Variants in AHNAK2 observed in about 807,000 individuals in gnomAD.
AHNAK2 encodes the protein AHNAK nucleoprotein 2.
Under a neutral mutation model 30.7 loss-of-function variants are expected in AHNAK2, and 18 were observed. The ratio of observed to expected loss-of-function variants is 0.59; its 90% CI spans 0.41 to 0.87. AHNAK2 has a LOEUF of 0.87. AHNAK2 is among the 40% of genes least tolerant of loss of function. AHNAK2 has a pLI of 0.00. For synonymous variants in AHNAK2, 3,590 were observed against 3,073.8 expected, an observed-to-expected ratio of 1.17 and a Z score of -5.56; for missense variants, 8,604 against 7,373.0, an observed-to-expected ratio of 1.17 and a Z score of -6.11.
Position 104,945,398 on chromosome 14 carries a change from G to A in AHNAK2, c.10053C>T (p.Leu3351=), listed in dbSNP as rs765331396. 1.2e-6 allele frequency: 2 copies of A among 1,612,362 alleles called. No homozygotes were observed. The highest frequency in any genetic ancestry group is 1.1e-5 in the South Asian group (1 of 91,012). Residue 3351 remains leucine, a synonymous_variant, in exon 7 of 7, where the codon CTC becomes CTT. Transcript: ENST00000333244. ...GCTGAATGCTGAGGTCAGTGGTCTTGAGGTCCCCCTGCATGGAGGGGAGGC... is the reference window on the plus strand; with the variant it reads ...GCTGAATGCTGAGGTCAGTGGTCTTAAGGTCCCCCTGCATGGAGGGGAGGC... The part of the protein sequence containing the change: ...DVSLPSMQGD[L]KTTDLSIQLP...
At position 104,949,797 on chromosome 14, in the gene AHNAK2, C is replaced by T. The variant is rs1198367589; in HGVS notation, c.5654G>A (p.Gly1885Asp). The T allele has an allele frequency of 1.3e-6, 2 of 1,587,396 alleles. 1 individual carries two copies. Among genetic ancestry groups the T allele is most frequent in the South Asian group, 2.2e-5 (2 of 89,956 alleles). The change falls in exon 7 of 7, where the codon GGC (glycine) becomes GAC (aspartate). Residue 1885 changes from glycine to aspartate, a missense_variant. Gly to Asp is a moderately conservative substitution (Grantham distance 94). Coordinates refer to ENST00000333244, the MANE Select transcript of AHNAK2 (RefSeq NM_138420.4). ...CTCCGGGAGCTTCATGTCCACTTGG[C>T]CAGCCTGGACCACCAGGTCTGCAGA... ...LPSADLVVQA[G>D]QVDMKLPEGQ...
At position 104,948,829 on chromosome 14, in the gene AHNAK2, CG is replaced by C; in HGVS notation, c.6621del (p.Ala2208ProfsTer3). The stretch of plus-strand genomic sequence containing the variant: ...TGGCCAGCCTGGACCTTCACGTCGG[CG>C]GAAAGGGGCTGAATGCTGAGGTCAG... ...KTTDLSIQPL[S>X]ADVKVQAGQV... On this transcript the variant is annotated frameshift_variant, in exon 7 of 7. Transcript: ENST00000333244. LOFTEE classifies it low-confidence loss of function (END_TRUNC). 1 of 1,516,960 alleles carries C rather than the reference CG, an allele frequency of 6.6e-7. No homozygotes were observed. The highest frequency in any genetic ancestry group is 2.8e-5 in the East Asian group (1 of 35,460). 94.0% of individuals were successfully genotyped at this position (1,516,960 alleles called of 1,614,324 possible). A position where few individuals can be genotyped will look rare whatever the true frequency, so the allele number is the denominator to read the frequency against.
chr14:104,939,303 G>T lies in AHNAK2; in HGVS notation c.16148C>A (p.Thr5383Asn). ...TACCATTAATTTGGGGAATTTGACA[G>T]TTAGGACAGAATCTTCCCACAGTTG... is the stretch of plus-strand genomic sequence containing the variant. ...VDQLWEDSVL[T>N]VKFPKLMVPR... The change falls in exon 7 of 7, where the codon ACT becomes AAT. Residue 5383 changes from threonine to asparagine, a missense_variant. Transcript: ENST00000333244. The T allele has an allele frequency of 1.1e-5, 17 of 1,613,798 alleles. No homozygotes were observed. The highest frequency in any genetic ancestry group is 1.4e-5 in the Non-Finnish European group (17 of 1,179,840).
In AHNAK2 at chr14:104,945,304, C is replaced by T. The variant is rs374841889; in HGVS notation, c.10147G>A (p.Glu3383Lys). 2.2e-5 allele frequency: 36 copies of T among 1,612,982 alleles called. No homozygotes were observed. The highest frequency in any genetic ancestry group is 2.7e-5 in the Non-Finnish European group (32 of 1,179,626). The change falls in exon 7 of 7, where the codon GAG (glutamate) becomes AAG (lysine). Residue 3383 changes from glutamate (E) to lysine (K), a missense_variant. Glu to Lys is a moderately conservative substitution (Grantham distance 56, BLOSUM62 1). Transcript: ENST00000333244. ...DVKLPEGHVP[E>K]GAGLKGHLPK... Reference sequence around the variant, plus strand: ...AGGTGCCCTTTGAGGCCAGCTCCCTCGGGCACGTGGCCCTCCGGGAGCTTC... The same window carrying T: ...AGGTGCCCTTTGAGGCCAGCTCCCTTGGGCACGTGGCCCTCCGGGAGCTTC...
chr14:104,943,960 G>A lies in AHNAK2; in HGVS notation c.11491C>T (p.Pro3831Ser). Reference sequence around the variant, plus strand: ...AGACTCACATCGGCCTCCACCTTGGGTGCAGACACGTGCACCGAGGCCTCA... The same window carrying A: ...AGACTCACATCGGCCTCCACCTTGGATGCAGACACGTGCACCGAGGCCTCA... ...SIEASVHVSA[P>S]KVEADVSLPS... The change falls in exon 7 of 7, where the codon CCC (proline) becomes TCC (serine). Residue 3831 changes from proline to serine, a missense_variant. Physicochemically the swap from Pro to Ser is moderately conservative, Grantham distance 74 (BLOSUM62 -1). Transcript: ENST00000333244. The A allele has an allele frequency of 6.2e-7, 1 of 1,612,824 alleles. No individual in the cohort carries two copies. The highest frequency in any genetic ancestry group is 8.5e-7 in the Non-Finnish European group (1 of 1,179,454).
chr14:104,940,259 G>A lies in AHNAK2; in HGVS notation c.15192C>T (p.Ala5064=). 4 of 1,613,634 alleles carry A rather than the reference G, an allele frequency of 2.5e-6. No individual in the cohort carries two copies. The highest frequency in any genetic ancestry group is 3.4e-6 in the Non-Finnish European group (4 of 1,179,888). Residue 5064 remains alanine (A), a synonymous_variant, in exon 7 of 7, where the codon GCC becomes GCT. Coordinates refer to ENST00000333244, the MANE Select transcript of AHNAK2 (RefSeq NM_138420.4). The surrounding 1 kb of genome is among the most constrained non-coding windows in gnomAD (Gnocchi z 4.4). The stretch of plus-strand genomic sequence containing the variant: ...GTCCTCCCCTACCACCGTCACTGCT[G>A]GCCTTTTCTGTGTCTTGAAAGCTAC... ...AGGSFQDTEK[A]SSDGGRGGLG... is the part of the protein sequence containing the mutation.
Position 104,947,246 on chromosome 14 carries a change from C to A in AHNAK2, c.8205G>T (p.Gln2735His). 6.2e-7 allele frequency: 1 copy of A among 1,611,844 alleles called. No individual in the cohort carries two copies. The highest frequency in any genetic ancestry group is 1.3e-5 in the African/African-American group (1 of 74,076). Reference sequence around the variant, plus strand: ...CTTCAGGCATCTTGAAACTGGGCATCTGCAGCTTGGGCAGGTGCCCTTTGA... The same window carrying A: ...CTTCAGGCATCTTGAAACTGGGCATATGCAGCTTGGGCAGGTGCCCTTTGA... ...AGLKGHLPKL[Q>H]MPSFKMPEVD... The change falls in exon 7 of 7, where the codon CAG (glutamine) becomes CAT (histidine). Residue 2735 changes from glutamine to histidine, a missense_variant. Coordinates refer to ENST00000333244, the MANE Select transcript of AHNAK2 (RefSeq NM_138420.4).
rs542579317 is a variant in AHNAK2, at chr14:104,952,407, T to C, written c.3044A>G (p.Lys1015Arg). The part of the protein sequence containing the change: ...MPSFGVSAPG[K>R]SIKALVDVSA... Reference sequence around the variant, plus strand: ...CACATCCACCAAGGCCTTGATGGACTTCCCTGGGGCCGATACCCCGAACGA... The same window carrying C: ...CACATCCACCAAGGCCTTGATGGACCTCCCTGGGGCCGATACCCCGAACGA... Residue 1015 changes from lysine (K) to arginine (R), a missense_variant, in exon 7 of 7, where the codon AAG (lysine) becomes AGG (arginine). Physicochemically the swap from Lys to Arg is conservative, Grantham distance 26. Coordinates refer to ENST00000333244, the MANE Select transcript of AHNAK2 (RefSeq NM_138420.4). 233 of 1,612,576 alleles carry C rather than the reference T, an allele frequency of 1.4e-4. No individual in the cohort carries two copies. The East Asian group carries it at 4.4e-3, about 30-fold the overall frequency.
chr14:104,948,848 G>T lies in AHNAK2; in HGVS notation c.6603C>A (p.Leu2201=), dbSNP rs749009656. The part of the protein sequence containing the change: ...SMQGDLKTTD[L]SIQPLSADVK... ...CGTCGGCGGAAAGGGGCTGAATGCT[G>T]AGGTCAGTGGTCTTGAGGTCCCCCT... The change falls in exon 7 of 7, where the codon CTC becomes CTA. Residue 2201 remains leucine (L), a synonymous_variant. Transcript: ENST00000333244. The T allele has an allele frequency of 1.9e-6, 3 of 1,611,896 alleles. No individual in the cohort carries two copies. Among genetic ancestry groups the T allele is most frequent in the Non-Finnish European group, 2.5e-6 (3 of 1,179,280 alleles).
rs1468794876 is a variant in AHNAK2 at position 104,942,794 on chromosome 14, C to T, written c.12657G>A (p.Val4219=). 3 of 1,612,956 alleles carry T rather than the reference C, an allele frequency of 1.9e-6. No homozygotes were observed. Among genetic ancestry groups the T allele is most frequent in the East Asian group, 2.2e-5 (1 of 44,734 alleles). ...TGGGCATCTTCAAACAGGGCATCTG[C>T]ACCTTGGGGAGGTGCCCTTTGAGGC... ...GAGLKGHLPK[V]QMPCLKMPKV... The change falls in exon 7 of 7, where the codon GTG becomes GTA. Residue 4219 remains valine (V), a synonymous_variant. Transcript: ENST00000333244.
At position 104,938,593 on chromosome 14, in the gene AHNAK2, G is replaced by T; in HGVS notation, c.16858C>A (p.Gln5620Lys). Residue 5620 changes from glutamine to lysine, a missense_variant, in exon 7 of 7, where the codon CAA becomes AAA. Transcript: ENST00000333244. ...EILEFPPDDS[Q>K]EATTPLADEG... Reference sequence around the variant, plus strand: ...TCTGCCAGTGGTGTGGTTGCCTCTTGGCTATCATCAGGGGGAAACTCAAGA... The same window carrying T: ...TCTGCCAGTGGTGTGGTTGCCTCTTTGCTATCATCAGGGGGAAACTCAAGA... 1 of 1,613,232 alleles carries T rather than the reference G, an allele frequency of 6.2e-7. No individual in the cohort carries two copies. Among genetic ancestry groups the T allele is most frequent in the South Asian group, 1.1e-5 (1 of 90,920 alleles).
chr14:104,957,628 C>T lies in AHNAK2; in HGVS notation c.100G>A (p.Glu34Lys), dbSNP rs768989696. The T allele has an allele frequency of 6.2e-7, 1 of 1,611,198 alleles. No homozygotes were observed. Among genetic ancestry groups the T allele is most frequent in the Non-Finnish European group, 8.5e-7 (1 of 1,179,214 alleles). ...CTCTCACTTACAGAGTGGTCATCTTCCGTTTCTGCACCTGGCTCCCCGGGC... is the reference window on the plus strand; with the variant it reads ...CTCTCACTTACAGAGTGGTCATCTTTCGTTTCTGCACCTGGCTCCCCGGGC... ...LQPGEPGAET[E>K]DDHSVTEGPA... The change falls in exon 2 of 7, where the codon GAA (glutamate) becomes AAA (lysine). Residue 34 changes from glutamate to lysine, a missense_variant. Glu to Lys is a moderately conservative substitution (Grantham distance 56). Transcript: ENST00000333244.
chr14:104,955,147 C>T lies in AHNAK2; in HGVS notation c.467-6G>A, dbSNP rs770546837. 1 of 1,599,758 alleles carries T rather than the reference C, an allele frequency of 6.3e-7. No individual in the cohort carries two copies. Among genetic ancestry groups the T allele is most frequent in the Non-Finnish European group, 8.5e-7 (1 of 1,173,920 alleles). Reference sequence around the variant, plus strand: ...TGTACTGAGCAGCTGATCCCCTAGACCAAGAAAGAGCAGCCCCAGGGCCGG... The same window carrying T: ...TGTACTGAGCAGCTGATCCCCTAGATCAAGAAAGAGCAGCCCCAGGGCCGG... On this transcript the variant is annotated splice_polypyrimidine_tract_variant and splice_region_variant and intron_variant, in intron 5 of 6. Coordinates refer to ENST00000333244, the MANE Select transcript of AHNAK2 (RefSeq NM_138420.4).
At position 104,939,145 on chromosome 14, in the gene AHNAK2, T is replaced by C; in HGVS notation, c.16306A>G (p.Ile5436Val). The part of the protein sequence containing the change: ...KESPGLWGAS[I>V]LKAGAGVPGE... ...GGGACCCCAGCACCTGCCTTCAGGATGCTGGCTCCCCAGAGCCCCGGACTT... is the reference window on the plus strand; with the variant it reads ...GGGACCCCAGCACCTGCCTTCAGGACGCTGGCTCCCCAGAGCCCCGGACTT... Residue 5436 changes from isoleucine to valine, a missense_variant, in exon 7 of 7, where the codon ATC (isoleucine) becomes GTC (valine). Physicochemically the swap from Ile to Val is conservative, Grantham distance 29 (BLOSUM62 3). Transcript: ENST00000333244. 2 of 1,611,476 alleles carry C rather than the reference T, an allele frequency of 1.2e-6. No individual in the cohort carries two copies. The highest frequency in any genetic ancestry group is 1.7e-6 in the Non-Finnish European group (2 of 1,178,994).
intron 3 of AHNAK2, among the ~76,000 whole-genome samples, 163 bp from the exon 4 acceptor site, chr14:104,956,852 C>A (rs1397067723): frequency 6.6e-6 from 1 of 152,172 alleles, no homozygotes; most frequent in Non-Finnish European, 1.5e-5. Context: ...GGCACATCCA[C>A]AGAGAAAAGG....
rs148568410 is a variant in AHNAK2, at chr14:104,941,165, C to T, written c.14286G>A (p.Val4762=). 44 of 1,613,562 alleles carry T rather than the reference C, an allele frequency of 2.7e-5. No homozygotes were observed. The African/African-American group carries it at 5.3e-4, about 20-fold the overall frequency. Residue 4762 remains valine (V), a synonymous_variant, in exon 7 of 7, where the codon GTG becomes GTA. Transcript: ENST00000333244. Reference sequence around the variant, plus strand: ...GGGATGATGGAAACCCAGCAAAACCCACCTTAGGCATCTGCATGGATGGCT... The same window carrying T: ...GGGATGATGGAAACCCAGCAAAACCTACCTTAGGCATCTGCATGGATGGCT... ...CSEPSMQMPK[V]GFAGFPSSRL...
At chr14:104,956,252 C>G (rs955515611) in intron 4 of AHNAK2, among the ~76,000 whole-genome samples, 7 of 152,172 alleles carry the variant, frequency 4.6e-5, no homozygotes, top group African/African-American at 1.4e-4. Flanking sequence ...CTTTTCAGCC[C>G]CACAGCTTGA....
At chr14:104,968,309 TGCCTCCCCGAGAACTGGACTATCCTG>T (rs139284487) in intron 1 of AHNAK2, among the ~76,000 whole-genome samples, 3,422 of 152,238 alleles carry the variant, frequency 0.022, 124 homozygotes, top group African/African-American at 0.075. Flanking sequence ...CCAGAAAAGC[TGCCTCCCCGAGAACTGGACTATCCTG>T]GCGCAGGGCC....
At position 104,977,389 on chromosome 14, in the gene AHNAK2, C is replaced by G. The variant is rs556134270; in HGVS notation, c.55+794G>C. Among the ~76,000 whole-genome samples the G allele has an allele frequency of 1.5e-4, 23 of 152,340 alleles. No homozygotes were observed. In the South Asian group the frequency reaches 4.4e-3, roughly 29 times the overall value. ...CAGGCCCAGTGCAGGGACAGACACA[C>G]AAAGAGCAGCAGGTACACATGCCGT... On this transcript the variant is annotated intron_variant, in intron 1 of 6. Transcript: ENST00000333244.
Sources: allele counts gnomAD v4.1 joint callset (sites outside exome capture counted in the v4.1 genomes callset), GRCh38; gene constraint gnomAD v4.1.1; non-coding constraint Gnocchi (gnomAD v3.1); transcripts MANE v1.5; gene names NCBI Gene and HGNC (gene_info 2026-07-23, HGNC 2026-07-21).